MACROD2: variants seen among roughly 807,000 people sequenced by gnomAD.
MACROD2 encodes mono-ADP ribosylhydrolase 2.
In MACROD2, 36 loss-of-function variants were observed where a neutral mutation model predicts 70.4. The observed-to-expected ratio is 0.51, with a 90% confidence interval of 0.39 to 0.68. The LOEUF (loss-of-function observed/expected upper bound fraction) is 0.68. MACROD2 is among the 30% of genes least tolerant of loss of function. MACROD2 has a pLI of 0.00. For missense variants in MACROD2, 496 were observed against 538.4 expected (o/e 0.92, Z 0.78); for synonymous variants, 172 against 178.8 (o/e 0.96, Z 0.30).
intron 8 of MACROD2, among the ~76,000 whole-genome samples, chr20:15,664,293 G>A (rs376498883): frequency 2.0e-5 from 3 of 152,354 alleles, no homozygotes; most frequent in African/African-American, 7.2e-5. Context: ...CAAGGGTTTA[G>A]ATTAAATGAT....
chr20:14,302,622 GC>G (rs2082485155), intron 3 of MACROD2, among the ~76,000 whole-genome samples: 2 of 151,282 alleles, frequency 1.3e-5, no homozygotes, highest in Admixed American at 1.3e-4. Flanking sequence ...TATTATTCTT[GC>G]TTATGTTAGA....
intron 6 of MACROD2, among the ~76,000 whole-genome samples, chr20:15,339,327 T>A (rs6043218): frequency 0.62 from 93,276 of 151,544 alleles, 29,189 homozygotes; most frequent in East Asian, 0.75. Flanking sequence ...AATAAAAGTA[T>A]TGACAGGTGG....
At chr20:14,995,008 GTTTT>G (rs1420010626) in intron 5 of MACROD2, among the ~76,000 whole-genome samples, 1 of 151,876 alleles carries the variant, frequency 6.6e-6, no homozygotes, top group African/African-American at 2.4e-5. Flanking sequence ...AAATTTAGTT[GTTTT>G]TTTCAAATGA....
At chr20:15,109,388 T>C (rs1299046954) in intron 5 of MACROD2, among the ~76,000 whole-genome samples, 1 of 152,130 alleles carries the variant, frequency 6.6e-6, no homozygotes, top group African/African-American at 2.4e-5. Flanking sequence ...TACCTAGATA[T>C]CTATTGGGAA....
intron 3 of MACROD2, among the ~76,000 whole-genome samples, chr20:14,251,631 TAA>T (rs931602967): frequency 3.9e-5 from 6 of 152,100 alleles, no homozygotes; most frequent in Admixed American, 2.6e-4. Flanking sequence ...TTTGTTAATC[TAA>T]GTGCTAAAAA....
chr20:14,165,542 A>T (rs1188137433), intron 3 of MACROD2, among the ~76,000 whole-genome samples: 2 of 152,198 alleles, frequency 1.3e-5, no homozygotes, highest in African/African-American at 4.8e-5. Context: ...AGAGTACCAG[A>T]TGCATCTAGT....
chr20:15,496,731 G>T (rs986212242), intron 7 of MACROD2, among the ~76,000 whole-genome samples: 2 of 152,180 alleles, frequency 1.3e-5, no homozygotes, highest in Non-Finnish European at 2.9e-5. Context: ...ATCTAGAAAG[G>T]CCCCCTGGGG....
intron 6 of MACROD2, among the ~76,000 whole-genome samples, chr20:15,239,264 G>C (rs1310922887): frequency 1.4e-5 from 2 of 145,388 alleles, no homozygotes; most frequent in Non-Finnish European, 3.0e-5. Flanking sequence ...AGAAACCAAA[G>C]GAGAAAGAAC....
At chr20:15,647,233 T>C (rs2049561888) in intron 8 of MACROD2, among the ~76,000 whole-genome samples, 1 of 152,200 alleles carries the variant, frequency 6.6e-6, no homozygotes, top group Admixed American at 6.5e-5. Flanking sequence ...GGAAGAGTTG[T>C]CAGCTAAGTA....
intron 8 of MACROD2, among the ~76,000 whole-genome samples, chr20:15,794,380 T>G (rs181764055): frequency 5.9e-5 from 9 of 152,334 alleles, no homozygotes; most frequent in African/African-American, 2.2e-4. Context: ...AAATATGAAA[T>G]AGCTAAAAAT....
At chr20:15,990,836 G>T (rs1054044937) in intron 15 of MACROD2, among the ~76,000 whole-genome samples, 1 of 152,028 alleles carries the variant, frequency 6.6e-6, no homozygotes, top group East Asian at 1.9e-4. Context: ...CAGTCTCTAG[G>T]GTAATAATGA....
chr20:14,775,408 T>C (rs2072220834), intron 5 of MACROD2, among the ~76,000 whole-genome samples: 1 of 152,046 alleles, frequency 6.6e-6, no homozygotes, highest in Admixed American at 6.6e-5. Context: ...TGTAGAAGCT[T>C]ACAATCATGG....
intron 3 of MACROD2, among the ~76,000 whole-genome samples, chr20:14,359,953 A>T (rs958493677): frequency 3.3e-5 from 5 of 152,244 alleles, no homozygotes; most frequent in Admixed American, 3.3e-4. Flanking sequence ...CATTTGCAAC[A>T]GCATGGATTA....
At chr20:14,144,122 T>G (rs1262142672) in intron 3 of MACROD2, among the ~76,000 whole-genome samples, 1 of 152,170 alleles carries the variant, frequency 6.6e-6, no homozygotes, top group Non-Finnish European at 1.5e-5. Context: ...TAGCCTGTTT[T>G]TTCATGTTCT....
chr20:14,068,623 G>T (rs991957274), intron 2 of MACROD2, among the ~76,000 whole-genome samples: 5 of 152,116 alleles, frequency 3.3e-5, no homozygotes, highest in Admixed American at 3.3e-4. Context: ...AGGATAGTTA[G>T]GAGTACCAGA....
intron 8 of MACROD2, among the ~76,000 whole-genome samples, chr20:15,685,332 T>C (rs1352210698): frequency 2.6e-5 from 4 of 152,198 alleles, no homozygotes; most frequent in Non-Finnish European, 5.9e-5. Context: ...TGTAATGATC[T>C]GCTTTTTATT....
intron 10 of MACROD2, among the ~76,000 whole-genome samples, chr20:15,929,274 C>A (rs2065537357): frequency 2.0e-5 from 3 of 152,134 alleles, no homozygotes; most frequent in Non-Finnish European, 2.9e-5. Flanking sequence ...TGGCAAATGT[C>A]AGGAACACAA....
At chr20:14,047,272 C>T (rs1208113500) in intron 2 of MACROD2, among the ~76,000 whole-genome samples, 2 of 151,956 alleles carry the variant, frequency 1.3e-5, no homozygotes, top group Non-Finnish European at 2.9e-5. Flanking sequence ...TGGTGAAACT[C>T]CGTCTCTACT....
chr20:14,821,639 G>A (rs181809586), intron 5 of MACROD2, among the ~76,000 whole-genome samples: 3 of 152,166 alleles, frequency 2.0e-5, no homozygotes, highest in Admixed American at 6.5e-5. Context: ...CCTAAGTCTA[G>A]TCCACATCTT....
Sources: gnomAD v4.1 joint callset for allele counts (sites outside exome capture counted in the v4.1 genomes callset) on GRCh38, gnomAD v4.1.1 for gene constraint, MANE v1.5 for transcripts, NCBI Gene and HGNC (gene_info 2026-07-23, HGNC 2026-07-21) for gene names.